Variants in KIAA0319L observed in about 807,000 individuals in gnomAD.
KIAA0319L encodes the protein KIAA0319 like, also known as dyslexia-associated protein KIAA0319-like protein.
KIAA0319L carries 55 observed loss-of-function variants against 120.1 expected under a neutral mutation model. The ratio of observed to expected loss-of-function variants is 0.46; its 90% CI spans 0.37 to 0.57. The LOEUF (loss-of-function observed/expected upper bound fraction) is 0.57, where lower values mean the gene tolerates loss of function less well. Among genes scored for constraint, KIAA0319L ranks in the 20% least tolerant of loss-of-function variants. The probability of loss-of-function intolerance (pLI) is 0.00; values close to 1 mark genes in which losing one functional copy is unlikely to be tolerated. For missense variants in KIAA0319L, 1,049 were observed against 1,255.3 expected, an observed-to-expected ratio of 0.84 and a Z score of 2.48; for synonymous variants, 398 against 471.9, an observed-to-expected ratio of 0.84 and a Z score of 2.03.
At chr1:35,473,531 T>C (rs1435811222) in intron 5 of KIAA0319L, among the ~76,000 whole-genome samples, 1 of 152,142 alleles carries the variant, frequency 6.6e-6, no homozygotes, top group Non-Finnish European at 1.5e-5. Context: ...CACAAAAGAA[T>C]GGTAGTAATC....
chr1:35,460,143 C>T (rs1642786491), intron 9 of KIAA0319L, among the ~76,000 whole-genome samples, 162 bp downstream of exon 9: 1 of 152,134 alleles, frequency 6.6e-6, no homozygotes, highest in Non-Finnish European at 1.5e-5. Context: ...GTTGTAATCA[C>T]AATCACCATA....
chr1:35,487,796 G>A (rs140414519), intron 3 of KIAA0319L, among the ~76,000 whole-genome samples: 2 of 152,320 alleles, frequency 1.3e-5, no homozygotes, highest in Middle Eastern at 3.4e-3. Flanking sequence ...TTCACCTTGT[G>A]TAGATTCTGT....
At chr1:35,473,113 T>C (rs2149129216) in intron 5 of KIAA0319L, among the ~76,000 whole-genome samples, 1 of 139,264 alleles carries the variant, frequency 7.2e-6, no homozygotes, top group Admixed American at 7.3e-5. Context: ...TCTTTTTTTT[T>C]GAGACAGAGT....
chr1:35,467,138 T>C (rs964459230), intron 6 of KIAA0319L, among the ~76,000 whole-genome samples: 1 of 152,020 alleles, frequency 6.6e-6, no homozygotes, highest in Admixed American at 6.6e-5. Context: ...GTGAATCTTA[T>C]GAGTAGCTGA....
intron 2 of KIAA0319L, among the ~76,000 whole-genome samples, chr1:35,513,105 A>C (rs983067711): frequency 6.6e-6 from 1 of 151,002 alleles, no homozygotes; most frequent in Non-Finnish European, 1.5e-5. Context: ...AATATTTACT[A>C]TCTGGCCCCT....
intron 6 of KIAA0319L, among the ~76,000 whole-genome samples, chr1:35,468,817 G>T (rs551173185): frequency 6.6e-6 from 1 of 152,284 alleles, no homozygotes; most frequent in African/African-American, 2.4e-5. Flanking sequence ...TTAAAGGCAT[G>T]GCCTTTAGAG....
chr1:35,442,442 T>G, intron 18 of KIAA0319L, 106 bp from the exon 19 acceptor site: 8 of 821,394 alleles, frequency 9.7e-6, no homozygotes, highest in Non-Finnish European at 1.3e-5. Context: ...GAGACAAGAA[T>G]GCCTCAGGCT....
intron 3 of KIAA0319L, among the ~76,000 whole-genome samples, chr1:35,498,000 C>T (rs111527175): frequency 7.8e-4 from 119 of 152,170 alleles, no homozygotes; most frequent in African/African-American, 2.7e-3. Flanking sequence ...TTTAAGGAAA[C>T]AGAAACAGGA....
intron 2 of KIAA0319L, among the ~76,000 whole-genome samples, chr1:35,512,264 T>C (rs1265147585): frequency 2.7e-5 from 4 of 146,862 alleles, no homozygotes; most frequent in Non-Finnish European, 6.0e-5. Flanking sequence ...CAAGACTCTG[T>C]CTCAAAAAAA....
chr1:35,448,294 T>C lies in KIAA0319L; in HGVS notation c.2392A>G (p.Ile798Val), dbSNP rs1415695854. 3.7e-6 allele frequency: 6 copies of C among 1,613,964 alleles called. No individual in the cohort carries two copies. The African/African-American group carries it at 4.0e-5, about 11-fold the overall frequency. ...KNNLVEIILD[I>V]NVSQLTERLK... ...CTCTCAGTTAGCTGACTGACGTTGA[T>C]ATCCAAGATGATCTCCACCAGGTTG... Residue 798 changes from isoleucine (I) to valine (V), a missense_variant, in exon 16 of 21, where the codon ATC (isoleucine) becomes GTC (valine). Transcript: ENST00000325722.
chr1:35,512,871 CAAAAAAA>C (rs746942793), intron 2 of KIAA0319L, among the ~76,000 whole-genome samples: 1 of 48,390 alleles, frequency 2.1e-5, no homozygotes, highest in Non-Finnish European at 5.3e-5. Context: ...GACTCCATCT[CAAAAAAA>C]AAAAAAAAAA....
intron 2 of KIAA0319L, among the ~76,000 whole-genome samples, chr1:35,534,619 G>A (rs184813032): frequency 6.6e-6 from 1 of 152,258 alleles, no homozygotes; most frequent in Admixed American, 6.5e-5. Context: ...CAGCACTTTG[G>A]AAGGCCGAGG....
At position 35,459,697 on chromosome 1, in the gene KIAA0319L, T is replaced by G. The variant is rs370801170; in HGVS notation, c.1427+608A>C. 2.6e-5 allele frequency among the ~76,000 whole-genome samples: 4 copies of G among 152,282 alleles called. No individual in the cohort carries two copies. In the East Asian group the frequency reaches 5.8e-4, roughly 22 times the overall value. On this transcript the variant is annotated intron_variant, in intron 9 of 20. Coordinates refer to ENST00000325722, the MANE Select transcript of KIAA0319L (RefSeq NM_024874.5). ...AAATGAAGATAGTATCATCTATATATCATGTTTGTATGATACTCATATATT... is the reference window on the plus strand; with the variant it reads ...AAATGAAGATAGTATCATCTATATAGCATGTTTGTATGATACTCATATATT...
At chr1:35,459,841 T>C (rs1004427672) in intron 9 of KIAA0319L, among the ~76,000 whole-genome samples, 1 of 152,164 alleles carries the variant, frequency 6.6e-6, no homozygotes, top group Non-Finnish European at 1.5e-5. Context: ...CCAAATGTAC[T>C]TTCTTTGAAT....
At chr1:35,504,354 G>A (rs978282401) in intron 3 of KIAA0319L, among the ~76,000 whole-genome samples, 4 of 151,754 alleles carry the variant, frequency 2.6e-5, no homozygotes, top group African/African-American at 9.7e-5. Context: ...CTGCCACCAC[G>A]CCCGGCTAAC....
At chr1:35,450,705 G>C (rs917130519) in intron 13 of KIAA0319L, among the ~76,000 whole-genome samples, 196 bp from the exon 14 acceptor site, 1 of 152,296 alleles carries the variant, frequency 6.6e-6, no homozygotes, top group African/African-American at 2.4e-5. Context: ...GTCCTACCCA[G>C]AGAAATGTTC....
intron 1 of KIAA0319L, among the ~76,000 whole-genome samples, chr1:35,555,652 G>A (rs1389551481): frequency 1.3e-5 from 2 of 152,194 alleles, no homozygotes; most frequent in East Asian, 1.9e-4. Context: ...TGGAGCCTAA[G>A]TTAGAAAGTA....
chr1:35,441,441 G>A (rs1641209266), intron 19 of KIAA0319L, among the ~76,000 whole-genome samples: 1 of 152,076 alleles, frequency 6.6e-6, no homozygotes, highest in African/African-American at 2.4e-5. Context: ...TGAAGGGTGT[G>A]GGAGGAGACA....
chr1:35,456,210 T>C lies in KIAA0319L; in HGVS notation c.1459A>G (p.Asn487Asp), dbSNP rs142034343. The C allele has an allele frequency of 6.2e-6, 10 of 1,605,262 alleles. No individual in the cohort carries two copies. In the African/African-American group the frequency reaches 8.0e-5, roughly 13 times the overall value. ...LTVVDSDGAT[N>D]STTANLTVNK... ...ACTGTCAGGTTTGCAGTAGTAGAGT[T>C]GGTAGCTCCATCAGAGTCTACTACA... The change falls in exon 10 of 21, where the codon AAC becomes GAC. Residue 487 changes from asparagine (N) to aspartate (D), a missense_variant. Physicochemically the swap from Asn to Asp is conservative, Grantham distance 23. Coordinates refer to ENST00000325722, the MANE Select transcript of KIAA0319L (RefSeq NM_024874.5).
Sources: allele counts gnomAD v4.1 joint callset (sites outside exome capture counted in the v4.1 genomes callset), GRCh38; gene constraint gnomAD v4.1.1; transcripts MANE v1.5; gene names NCBI Gene and HGNC (gene_info 2026-07-23, HGNC 2026-07-21).